The following FARSB variants were observed in gnomAD, a reference collection of about 807,000 sequenced individuals.
FARSB encodes phenylalanine--tRNA ligase beta subunit.
Under a neutral mutation model 69.6 loss-of-function variants are expected in FARSB, and 40 were observed. The observed-to-expected ratio is 0.57, with a 90% CI of 0.45 to 0.75. The LOEUF (loss-of-function observed/expected upper bound fraction) is 0.75. FARSB is among the 30% of genes least tolerant of loss of function. The pLI is 0.00. For missense variants in FARSB, 632 were observed against 722.9 expected, an observed-to-expected ratio of 0.87 and a Z score of 1.44; for synonymous variants, 235 against 247.2, an observed-to-expected ratio of 0.95 and a Z score of 0.46.
At chr2:222,640,727 G>C (rs1288931992) in intron 4 of FARSB, 135 bp downstream of exon 4, 2 of 568,338 alleles carry the variant, frequency 3.5e-6, no homozygotes, top group East Asian at 3.3e-5. Flanking sequence ...CTGCATTCCA[G>C]TCTGGGCAAA....
At chr2:222,642,820 A>T in intron 3 of FARSB, 31 bp downstream of exon 3, 2 of 1,517,662 alleles carry the variant, frequency 1.3e-6, no homozygotes, top group South Asian at 1.3e-5. Context: ...AACCCAACTT[A>T]GCAAAGTCTT....
rs191348166 is a variant in FARSB at position 222,605,264 on chromosome 2, C to T, written c.1463-5181G>A. 1.4e-3 allele frequency among the ~76,000 whole-genome samples: 220 copies of T among 151,796 alleles called. 1 individual carries two copies. Among genetic ancestry groups the T allele is most frequent in the Admixed American group, 0.013 (192 of 15,226 alleles). The stretch of plus-strand genomic sequence containing the variant: ...GAAACGAAACAGAACTAAATTATCC[C>T]TTTCATACTACTGACTTGCTTCTGG... On this transcript the variant is annotated intron_variant, in intron 15 of 16. Coordinates refer to ENST00000281828, the MANE Select transcript of FARSB (RefSeq NM_005687.5).
intron 5 of FARSB, among the ~76,000 whole-genome samples, chr2:222,635,437 G>C (rs927628022): frequency 6.6e-6 from 1 of 152,238 alleles, no homozygotes; most frequent in South Asian, 2.1e-4. Context: ...TTAATAAATA[G>C]GGTTAAAAAG....
At chr2:222,636,017 CTA>C (rs1691570172) in intron 5 of FARSB, among the ~76,000 whole-genome samples, 1 of 147,344 alleles carries the variant, frequency 6.8e-6, no homozygotes, top group African/African-American at 2.5e-5. Context: ...AAGGTCAAGG[CTA>C]TAGTGAGCTG....
At chr2:222,590,324 T>G (rs12990992) in intron 16 of FARSB, among the ~76,000 whole-genome samples, 1 of 151,622 alleles carries the variant, frequency 6.6e-6, no homozygotes, top group East Asian at 1.9e-4. Flanking sequence ...ATGAGAACAG[T>G]TGGACACAGG....
intron 3 of FARSB, among the ~76,000 whole-genome samples, chr2:222,641,557 T>C (rs560011395): frequency 2.6e-5 from 4 of 152,332 alleles, no homozygotes; most frequent in East Asian, 3.9e-4. Context: ...CGACTAAGAC[T>C]GCATTTCTAG....
At chr2:222,621,598 A>T (rs1691137218) in intron 13 of FARSB, among the ~76,000 whole-genome samples, 1 of 152,234 alleles carries the variant, frequency 6.6e-6, no homozygotes, top group Admixed American at 6.5e-5. Context: ...TGAACCTTAT[A>T]GTTTTTACAG....
intron 10 of FARSB, among the ~76,000 whole-genome samples, chr2:222,628,057 CTA>C (rs978814653): frequency 2.0e-5 from 3 of 152,172 alleles, no homozygotes; most frequent in South Asian, 2.1e-4. Flanking sequence ...TTGAAAATAA[CTA>C]TGTGGTTACT....
chr2:222,630,320 C>T (rs1312123670), intron 8 of FARSB, 146 bp from the exon 9 acceptor site: 4 of 518,422 alleles, frequency 7.7e-6, no homozygotes, highest in South Asian at 2.8e-5. Flanking sequence ...GGAATAAAAA[C>T]ATGAGTAGGC....
chr2:222,622,604 G>A (rs1452601171), intron 13 of FARSB, among the ~76,000 whole-genome samples: 1 of 152,122 alleles, frequency 6.6e-6, no homozygotes, highest in African/African-American at 2.4e-5. Context: ...ACAAATGTGT[G>A]TATATATATG....
At chr2:222,590,799 A>G (rs888133521) in intron 16 of FARSB, among the ~76,000 whole-genome samples, 4 of 152,088 alleles carry the variant, frequency 2.6e-5, no homozygotes, top group African/African-American at 9.7e-5. Context: ...AACAAAATTG[A>G]CTCTGTACTG....
chr2:222,650,174 A>G (rs1054492187), intron 1 of FARSB, among the ~76,000 whole-genome samples: 1 of 152,220 alleles, frequency 6.6e-6, no homozygotes, highest in African/African-American at 2.4e-5. Flanking sequence ...CAGCATGGCA[A>G]ATTTGGAAAC....
chr2:222,645,165 C>T (rs529378268), intron 2 of FARSB, among the ~76,000 whole-genome samples: 3 of 152,208 alleles, frequency 2.0e-5, no homozygotes, highest in Admixed American at 6.5e-5. Context: ...TAATCCAAAC[C>T]CCTTATTTCA....
Position 222,620,849 on chromosome 2 carries a change from A to G in FARSB, c.1252-1112T>C, listed in dbSNP as rs1261940453. ...CACTTATTAAAACAAAATGATACAC[A>G]TCAACTGAAATGGTAAAAAGAATTC... On this transcript the variant is annotated intron_variant, in intron 13 of 16. Coordinates refer to ENST00000281828, the MANE Select transcript of FARSB (RefSeq NM_005687.5). Among the ~76,000 whole-genome samples the G allele has an allele frequency of 2.6e-5, 4 of 152,238 alleles. No homozygotes were observed. In the East Asian group the frequency reaches 7.7e-4, roughly 29 times the overall value.
chr2:222,630,307 A>T (rs1490436185), intron 8 of FARSB, 133 bp from the exon 9 acceptor site: 1 of 528,372 alleles, frequency 1.9e-6, no homozygotes, highest in Non-Finnish European at 3.3e-6. Context: ...TAAGAAAGGA[A>T]GTGGAATAAA....
chr2:222,631,956 C>T (rs1691438199), intron 7 of FARSB, among the ~76,000 whole-genome samples: 1 of 152,060 alleles, frequency 6.6e-6, no homozygotes. Flanking sequence ...CCTGTAATCC[C>T]ACTTACTTGG....
intron 2 of FARSB, among the ~76,000 whole-genome samples, chr2:222,644,295 G>A (rs1335300435): frequency 6.6e-6 from 1 of 151,942 alleles, no homozygotes; most frequent in East Asian, 1.9e-4. Flanking sequence ...GGTGGTGCTG[G>A]GCTCCAAAAA....
intron 13 of FARSB, among the ~76,000 whole-genome samples, chr2:222,620,535 C>T (rs528604998): frequency 3.7e-4 from 56 of 152,216 alleles, no homozygotes; most frequent in African/African-American, 1.3e-3. Context: ...AACTCACTGA[C>T]GATTAGATAC....
chr2:222,631,396 C>T (rs895468536), intron 8 of FARSB, among the ~76,000 whole-genome samples: 7 of 152,204 alleles, frequency 4.6e-5, no homozygotes, highest in African/African-American at 1.7e-4. Context: ...ACTGGAAAGA[C>T]ATTTGGTGCT....
Sources: allele counts gnomAD v4.1 joint callset (sites outside exome capture counted in the v4.1 genomes callset), GRCh38; gene constraint gnomAD v4.1.1; transcripts MANE v1.5; gene names NCBI Gene and HGNC (gene_info 2026-07-23, HGNC 2026-07-21).